Variants in DSE observed in about 807,000 individuals in gnomAD.
DSE encodes dermatan-sulfate epimerase.
Under a neutral mutation model 84.4 loss-of-function variants are expected in DSE, and 36 were observed. The observed-to-expected ratio is 0.43, with a 90% CI of 0.33 to 0.56. The LOEUF is 0.56. Ranked by LOEUF, DSE falls within the 20% of genes least tolerant of loss-of-function variation. The pLI is 0.06. For synonymous variants in DSE, 410 were observed against 430.1 expected (o/e 0.95, Z 0.58); for missense variants, 862 against 1,169.6 (o/e 0.74, Z 3.84).
chr6:116,371,002 G>T lies in DSE; in HGVS notation c.-173G>T. 1 of 985,636 alleles carries T rather than the reference G, an allele frequency of 1.0e-6. No homozygotes were observed. The highest frequency in any genetic ancestry group is 1.2e-6 in the Non-Finnish European group (1 of 830,190). The allele number at this position is 985,636 out of a possible 1,614,324, so 61.1% of individuals were successfully genotyped here. A position where few individuals can be genotyped will look rare whatever the true frequency, so the allele number is the denominator to read the frequency against. On this transcript the variant is annotated 5_prime_UTR_variant, in exon 1 of 6. Coordinates refer to ENST00000644252, the MANE Select transcript of DSE (RefSeq NM_013352.4). Reference sequence around the variant, plus strand: ...TCCCGGGGCATGGCGCGGCGGGGGCGCGGAGGGCTCGGTTCGGAGGGGGCC... The same window carrying T: ...TCCCGGGGCATGGCGCGGCGGGGGCTCGGAGGGCTCGGTTCGGAGGGGGCC...
At chr6:116,384,903 A>G (rs1271840679) in intron 1 of DSE, among the ~76,000 whole-genome samples, 1 of 152,216 alleles carries the variant, frequency 6.6e-6, no homozygotes, top group Non-Finnish European at 1.5e-5. Context: ...CATAAGTGCC[A>G]TGAAGAGAAA....
chr6:116,392,548 G>A (rs1780975812), intron 1 of DSE, among the ~76,000 whole-genome samples: 1 of 152,124 alleles, frequency 6.6e-6, no homozygotes, highest in Non-Finnish European at 1.5e-5. Flanking sequence ...AGCTATAGGG[G>A]ATGTACATTT....
rs1164397565 is a variant in DSE, at chr6:116,436,845, A to G, written c.2377A>G (p.Ile793Val). The G allele has an allele frequency of 1.2e-6, 2 of 1,614,000 alleles. No homozygotes were observed. Among genetic ancestry groups the G allele is most frequent in the African/African-American group, 2.7e-5 (2 of 74,900 alleles). Reference sequence around the variant, plus strand: ...ACAGACTGAGGAGGCCATTGACAGGATTTTTGCCATATCACAGCAACAGCA... The same window carrying G: ...ACAGACTGAGGAGGCCATTGACAGGGTTTTTGCCATATCACAGCAACAGCA... ...KRQTEEAIDR[I>V]FAISQQQQQQ... Residue 793 changes from isoleucine to valine, a missense_variant, in exon 6 of 6, where the codon ATT becomes GTT. This residue lies in a region of DSE where 315 missense variants were observed against 348.1 expected (regional missense o/e 0.90). Transcript: ENST00000644252.
chr6:116,331,923 C>T (rs1278224298), intron 2 of DSE, among the ~76,000 whole-genome samples: 2 of 152,236 alleles, frequency 1.3e-5, no homozygotes, highest in East Asian at 3.9e-4. Context: ...TATCACTGCA[C>T]TCCAGCCTGG....
At chr6:116,359,056 TTC>T (rs1477567947) in intron 2 of DSE, among the ~76,000 whole-genome samples, 1 of 152,074 alleles carries the variant, frequency 6.6e-6, no homozygotes, top group Admixed American at 6.5e-5. Context: ...GTTGATCAAA[TTC>T]TCTTTCTTTT....
upstream of DSE, among the ~76,000 whole-genome samples, chr6:116,365,371 A>C (rs1411910699): frequency 1.3e-5 from 2 of 152,140 alleles, no homozygotes; most frequent in Non-Finnish European, 2.9e-5. Flanking sequence ...CTCCTGCCTC[A>C]GCCTCCCAAG....
intron 2 of DSE, among the ~76,000 whole-genome samples, chr6:116,415,796 G>C (rs6568938): frequency 0.66 from 100,121 of 151,968 alleles, 33,839 homozygotes; most frequent in Admixed American, 0.73. Context: ...GCATTAATGA[G>C]TTTGTTCATT....
chr6:116,433,277 G>A (rs1562311004), intron 4 of DSE, 66 bp from the exon 5 acceptor site: 3 of 1,463,126 alleles, frequency 2.1e-6, no homozygotes, highest in Non-Finnish European at 9.3e-7. Context: ...AAAAGTCATT[G>A]TTTAGACCTA....
intron 2 of DSE, chr6:116,279,983 A>T: frequency 9.0e-7 from 1 of 1,110,432 alleles, no homozygotes; most frequent in Non-Finnish European, 1.3e-6. Flanking sequence ...TATCGCGAGA[A>T]CTTGCTGAGC....
intron 2 of DSE, chr6:116,277,454 C>T (rs1773199272): frequency 6.6e-6 from 1 of 152,602 alleles, no homozygotes; most frequent in Non-Finnish European, 1.5e-5. Flanking sequence ...CACCTTTCAT[C>T]CCATCTAGAT....
At chr6:116,430,932 T>G (rs1783794109) in intron 3 of DSE, 22 bp from the exon 4 acceptor site, 1 of 1,610,954 alleles carries the variant, frequency 6.2e-7, no homozygotes, top group African/African-American at 1.3e-5. Flanking sequence ...AGTCATTGCT[T>G]CCATGTGTTT....
chr6:116,413,062 A>G (rs534214765), intron 2 of DSE, among the ~76,000 whole-genome samples: 14 of 152,176 alleles, frequency 9.2e-5, no homozygotes, highest in Admixed American at 3.3e-4. Context: ...CTAGTATTCC[A>G]TAATGTATAT....
intron 2 of DSE, among the ~76,000 whole-genome samples, chr6:116,414,770 A>G (rs1782592058): frequency 6.6e-6 from 1 of 152,200 alleles, no homozygotes; most frequent in Non-Finnish European, 1.5e-5. Flanking sequence ...TGTATACTGT[A>G]ATGACTTTTC....
chr6:116,418,908 G>A (rs1782897541), intron 2 of DSE, among the ~76,000 whole-genome samples: 1 of 152,212 alleles, frequency 6.6e-6, no homozygotes, highest in African/African-American at 2.4e-5. Context: ...AATACCTAAT[G>A]TTGAGTTGAG....
upstream of DSE, chr6:116,369,945 C>T: frequency 1.6e-6 from 2 of 1,289,224 alleles, no homozygotes; most frequent in Non-Finnish European, 2.0e-6. Context: ...TCCTACAAAT[C>T]TTTCACTTCT....
At chr6:116,420,882 T>C (rs1291224446) in intron 2 of DSE, among the ~76,000 whole-genome samples, 1 of 152,244 alleles carries the variant, frequency 6.6e-6, no homozygotes, top group Non-Finnish European at 1.5e-5. Context: ...TCAAATAAAC[T>C]GTCACCTTTT....
At chr6:116,328,603 G>A (rs1041380331) in intron 2 of DSE, among the ~76,000 whole-genome samples, 1 of 152,156 alleles carries the variant, frequency 6.6e-6, no homozygotes, top group African/African-American at 2.4e-5. Context: ...GCCAGTATCA[G>A]CAGATAATAA....
At chr6:116,357,221 C>T (rs1425032556) in intron 2 of DSE, among the ~76,000 whole-genome samples, 1 of 152,160 alleles carries the variant, frequency 6.6e-6, no homozygotes, top group Non-Finnish European at 1.5e-5. Context: ...CTCCCTGGCT[C>T]ATGCCCTTTA....
intron 2 of DSE, among the ~76,000 whole-genome samples, chr6:116,407,493 A>T (rs1297832311): frequency 2.0e-5 from 3 of 152,188 alleles, no homozygotes; most frequent in Non-Finnish European, 4.4e-5. Context: ...GCTCATAGAT[A>T]ACCTTAGCAG....
Sources: gnomAD v4.1 joint callset for allele counts (sites outside exome capture counted in the v4.1 genomes callset) on GRCh38, gnomAD v4.1.1 for gene constraint, gnomAD v4.1.1 regional missense constraint, MANE v1.5 for transcripts, NCBI Gene and HGNC (gene_info 2026-07-23, HGNC 2026-07-21) for gene names.